PTDSS1: variants seen among roughly 807,000 people sequenced by gnomAD.
PTDSS1 encodes the protein PSS-1.
A neutral mutation model predicts 70.5 loss-of-function variants in PTDSS1; 45 were observed. That is an observed-to-expected ratio of 0.64 (90% CI 0.50 to 0.82). PTDSS1 has a LOEUF of 0.82. Ranked by LOEUF, PTDSS1 falls within the 40% of genes least tolerant of loss-of-function variation. PTDSS1 has a pLI of 0.00. For synonymous variants in PTDSS1, 188 were observed against 203.8 expected, an observed-to-expected ratio of 0.92 and a Z score of 0.66; for missense variants, 417 against 586.1, an observed-to-expected ratio of 0.71 and a Z score of 2.98.
At chr8:96,299,326 C>A (rs557605594) in intron 5 of PTDSS1, among the ~76,000 whole-genome samples, 1 of 152,260 alleles carries the variant, frequency 6.6e-6, no homozygotes, top group South Asian at 2.1e-4. Flanking sequence ...AGAATTATGA[C>A]AATGCTTTGT....
At chr8:96,278,441 C>T (rs1157755535) in intron 2 of PTDSS1, among the ~76,000 whole-genome samples, 1 of 152,146 alleles carries the variant, frequency 6.6e-6, no homozygotes, top group Non-Finnish European at 1.5e-5. Context: ...AGAGTTCTTT[C>T]ATTCAGTCCC....
intron 5 of PTDSS1, among the ~76,000 whole-genome samples, chr8:96,297,051 A>T (rs904503593): frequency 2.6e-5 from 4 of 151,896 alleles, no homozygotes; most frequent in African/African-American, 9.7e-5. Context: ...CTCTGCTCCC[A>T]CCTGTCTCTA....
chr8:96,293,038 G>A (rs1810929168), intron 4 of PTDSS1, among the ~76,000 whole-genome samples: 1 of 152,164 alleles, frequency 6.6e-6, no homozygotes, highest in Non-Finnish European at 1.5e-5. Flanking sequence ...TCTACATTGG[G>A]ACGGGCATGC....
chr8:96,334,066 A>G lies in PTDSS1; in HGVS notation c.*500A>G. On this transcript the variant is annotated 3_prime_UTR_variant, in exon 13 of 13. Transcript: ENST00000517309. The stretch of plus-strand genomic sequence containing the variant: ...TACTGTTGTTATTTGTTTTTAAGTT[A>G]GGATGCTTTTTAACAGCCTTTAGAA... The G allele has an allele frequency of 2.5e-6, 1 of 397,822 alleles. No individual in the cohort carries two copies. Among genetic ancestry groups the G allele is most frequent in the Admixed American group, 4.2e-5 (1 of 23,906 alleles). The allele number at this position is 397,822 out of a possible 1,614,324, so 24.6% of individuals were successfully genotyped here. A position where few individuals can be genotyped will look rare whatever the true frequency, so the allele number is the denominator to read the frequency against.
At chr8:96,268,492 A>T (rs1033983408) in intron 1 of PTDSS1, among the ~76,000 whole-genome samples, 1 of 152,166 alleles carries the variant, frequency 6.6e-6, no homozygotes, top group Non-Finnish European at 1.5e-5. Context: ...AGGGAGAAAG[A>T]CTTGTCTAAA....
chr8:96,301,656 A>G (rs1811052465), intron 6 of PTDSS1, among the ~76,000 whole-genome samples: 1 of 150,928 alleles, frequency 6.6e-6, no homozygotes, highest in Admixed American at 6.6e-5. Flanking sequence ...AGTAGCTGGG[A>G]TTAGCCACCA....
chr8:96,300,628 G>A (rs1811037251), intron 6 of PTDSS1, among the ~76,000 whole-genome samples: 1 of 152,112 alleles, frequency 6.6e-6, no homozygotes, highest in South Asian at 2.1e-4. Context: ...TGAAAGTTGT[G>A]GTTGCTTCAA....
intron 10 of PTDSS1, among the ~76,000 whole-genome samples, chr8:96,328,390 A>C (rs1811468086): frequency 6.6e-6 from 1 of 152,176 alleles, no homozygotes; most frequent in Admixed American, 6.5e-5. Flanking sequence ...TGGCACACTT[A>C]ACGTTGGTAT....
intron 5 of PTDSS1, among the ~76,000 whole-genome samples, chr8:96,297,308 A>G (rs527671324): frequency 2.6e-5 from 4 of 152,044 alleles, no homozygotes; most frequent in East Asian, 1.9e-4. Context: ...CCTCCCAAGT[A>G]GCTGAGATTA....
At chr8:96,265,028 C>G (rs1810466867) in intron 1 of PTDSS1, among the ~76,000 whole-genome samples, 1 of 152,246 alleles carries the variant, frequency 6.6e-6, no homozygotes, top group South Asian at 2.1e-4. Context: ...TGATTTGTGA[C>G]TTAAGTGGGG....
chr8:96,325,784 A>G (rs757054987), intron 10 of PTDSS1, among the ~76,000 whole-genome samples: 18 of 152,208 alleles, frequency 1.2e-4, no homozygotes, highest in Middle Eastern at 6.8e-3. Context: ...CTTTTTCCCC[A>G]CCTGAGTTAA....
intron 9 of PTDSS1, 64 bp downstream of exon 9, chr8:96,309,686 C>T (rs1224994334): frequency 1.3e-6 from 2 of 1,534,240 alleles, no homozygotes; most frequent in Non-Finnish European, 1.8e-6. Context: ...TTGGGTATTT[C>T]TTGACCCTGT....
intron 2 of PTDSS1, among the ~76,000 whole-genome samples, chr8:96,279,535 C>T (rs2130030682): frequency 6.6e-6 from 1 of 151,832 alleles, no homozygotes; most frequent in South Asian, 2.1e-4. Flanking sequence ...AAAAAATTTT[C>T]CAGCCCAGCG....
At chr8:96,320,409 G>C (rs912726735) in intron 10 of PTDSS1, 64 bp downstream of exon 10, 132 of 1,375,772 alleles carry the variant, frequency 9.6e-5, no homozygotes, top group Non-Finnish European at 7.9e-5. Context: ...TTAAACGGAG[G>C]GGGGCAAAGA....
At chr8:96,306,774 A>T (rs1370162740) in intron 8 of PTDSS1, among the ~76,000 whole-genome samples, 1 of 152,250 alleles carries the variant, frequency 6.6e-6, no homozygotes, top group African/African-American at 2.4e-5. Flanking sequence ...CACCACACCA[A>T]TAGTACTATC....
chr8:96,299,204 C>T (rs1012727967), intron 5 of PTDSS1, among the ~76,000 whole-genome samples: 1 of 152,202 alleles, frequency 6.6e-6, no homozygotes, highest in Non-Finnish European at 1.5e-5. Context: ...ATGCTTCCTA[C>T]ATCGTGTCAT....
At chr8:96,314,746 G>A (rs531107334) in intron 9 of PTDSS1, among the ~76,000 whole-genome samples, 10 of 152,226 alleles carry the variant, frequency 6.6e-5, no homozygotes, top group Non-Finnish European at 1.2e-4. Flanking sequence ...ACAGGTGCCC[G>A]TCACCTCGCC....
rs554477723 is a variant in PTDSS1, at chr8:96,278,867, G to A, written c.272-5242G>A. Among the ~76,000 whole-genome samples the A allele has an allele frequency of 2.6e-5, 4 of 151,900 alleles. No homozygotes were observed. In the South Asian group the frequency reaches 8.3e-4, roughly 32 times the overall value. On this transcript the variant is annotated intron_variant, in intron 2 of 12. Transcript: ENST00000517309. ...GCCTGGCCCATTATTAACTTCTCAT[G>A]AATATATGCTGAATTAAATAATAAA...
At chr8:96,327,523 G>A (rs752721551) in intron 10 of PTDSS1, among the ~76,000 whole-genome samples, 2 of 152,180 alleles carry the variant, frequency 1.3e-5, no homozygotes, top group Admixed American at 6.5e-5. Context: ...AGACTCAGGA[G>A]TAGAGGCGAA....
Sources: allele counts gnomAD v4.1 joint callset (sites outside exome capture counted in the v4.1 genomes callset), GRCh38; gene constraint gnomAD v4.1.1; transcripts MANE v1.5; gene names NCBI Gene and HGNC (gene_info 2026-07-23, HGNC 2026-07-21).